CNTNAP5: variants seen among roughly 807,000 people sequenced by gnomAD.
The protein encoded by CNTNAP5 is contactin-associated protein-like 5.
Under a neutral mutation model 150.2 loss-of-function variants are expected in CNTNAP5, and 72 were observed. The observed-to-expected ratio is 0.48, with a 90% CI of 0.40 to 0.58. CNTNAP5 has a LOEUF of 0.58. Among genes scored for constraint, CNTNAP5 ranks in the 20% least tolerant of loss-of-function variants. The pLI is 0.00. For missense variants in CNTNAP5, 1,636 were observed against 1,626.2 expected, an observed-to-expected ratio of 1.01 and a Z score of -0.10; for synonymous variants, 672 against 619.8, an observed-to-expected ratio of 1.08 and a Z score of -1.25.
intron 16 of CNTNAP5, among the ~76,000 whole-genome samples, chr2:124,769,098 T>C (rs1681133391): frequency 6.6e-6 from 1 of 151,952 alleles, no homozygotes; most frequent in South Asian, 2.1e-4. Flanking sequence ...GACACAGAAA[T>C]GGAGTGTGGT....
chr2:124,234,699 T>C (rs573275594), intron 2 of CNTNAP5, among the ~76,000 whole-genome samples: 64 of 152,242 alleles, frequency 4.2e-4, no homozygotes, highest in African/African-American at 1.5e-3. Flanking sequence ...ACTTCTTTTA[T>C]AACTTCTGAA....
At chr2:124,138,682 C>T (rs764291361) in intron 1 of CNTNAP5, among the ~76,000 whole-genome samples, 3 of 151,960 alleles carry the variant, frequency 2.0e-5, no homozygotes, top group African/African-American at 7.3e-5. Context: ...AATTGGTCCC[C>T]GAGTTTGAGA....
chr2:124,133,216 A>T (rs1348529370), intron 1 of CNTNAP5, among the ~76,000 whole-genome samples: 2 of 152,146 alleles, frequency 1.3e-5, no homozygotes, highest in Non-Finnish European at 2.9e-5. Flanking sequence ...TGAAATTCAC[A>T]CTCAGATATT....
intron 3 of CNTNAP5, among the ~76,000 whole-genome samples, chr2:124,270,350 G>T (rs1439198807): frequency 6.6e-6 from 1 of 152,028 alleles, no homozygotes; most frequent in African/African-American, 2.4e-5. Context: ...TAAATAATCA[G>T]ATGTCAAATC....
At chr2:124,761,915 G>A (rs967457016) in intron 14 of CNTNAP5, among the ~76,000 whole-genome samples, 2 of 152,124 alleles carry the variant, frequency 1.3e-5, no homozygotes, top group South Asian at 2.1e-4. Flanking sequence ...ATGCCAGAAT[G>A]TGTATGAAAG....
chr2:124,599,053 T>C (rs1696912631), intron 11 of CNTNAP5, among the ~76,000 whole-genome samples: 1 of 152,062 alleles, frequency 6.6e-6, no homozygotes, highest in African/African-American at 2.4e-5. Context: ...TGGCACTCCC[T>C]AGTGAGATGA....
intron 1 of CNTNAP5, among the ~76,000 whole-genome samples, chr2:124,153,747 T>A (rs1684458909): frequency 6.6e-6 from 1 of 151,528 alleles, no homozygotes; most frequent in Non-Finnish European, 1.5e-5. Context: ...GTAGCTGAGA[T>A]TACAGGCGTA....
chr2:124,261,232 C>T (rs972557947), intron 3 of CNTNAP5, among the ~76,000 whole-genome samples: 3 of 152,136 alleles, frequency 2.0e-5, no homozygotes, highest in African/African-American at 7.2e-5. Context: ...TGTTGGGACT[C>T]ATTTAAATAT....
At chr2:124,748,091 G>A (rs1680648226) in intron 14 of CNTNAP5, among the ~76,000 whole-genome samples, 1 of 151,866 alleles carries the variant, frequency 6.6e-6, no homozygotes, top group Non-Finnish European at 1.5e-5. Context: ...TATATAGGCT[G>A]TTTCTTCATG....
chr2:124,164,344 C>G (rs773298175), intron 1 of CNTNAP5, among the ~76,000 whole-genome samples: 14 of 152,160 alleles, frequency 9.2e-5, no homozygotes, highest in Non-Finnish European at 1.6e-4. Context: ...AGACACAACC[C>G]CCAAAACTCC....
chr2:124,311,154 T>C (rs1386806895), intron 3 of CNTNAP5, among the ~76,000 whole-genome samples: 5 of 152,236 alleles, frequency 3.3e-5, no homozygotes, highest in Admixed American at 2.6e-4. Context: ...TGTATCTTTT[T>C]TCTAGACTAT....
chr2:124,605,709 G>A (rs573908887), intron 11 of CNTNAP5, among the ~76,000 whole-genome samples: 4 of 150,560 alleles, frequency 2.7e-5, no homozygotes, highest in African/African-American at 7.3e-5. Flanking sequence ...CCAGCTACTC[G>A]GGAGGCTGAG....
At position 124,025,465 on chromosome 2, in the gene CNTNAP5, C is replaced by G. The variant is rs1278444880; in HGVS notation, c.-186C>G. On this transcript the variant is annotated 5_prime_UTR_variant, in exon 1 of 24. Coordinates refer to ENST00000682447, the MANE Select transcript of CNTNAP5 (RefSeq NM_001367498.1). The stretch of plus-strand genomic sequence containing the variant: ...GGGACCGTAGCCCCAGCTGCAGCTC[C>G]GAAGAATCCCCCGCCACGGTTTCGG... The G allele has an allele frequency of 1.6e-6, 1 of 609,802 alleles. No individual in the cohort carries two copies. The highest frequency in any genetic ancestry group is 1.8e-5 in the African/African-American group (1 of 54,124). The allele number at this position is 609,802 out of a possible 1,614,324, so 37.8% of individuals were successfully genotyped here.
intron 1 of CNTNAP5, among the ~76,000 whole-genome samples, chr2:124,033,841 C>T (rs1196120195): frequency 1.3e-5 from 2 of 151,940 alleles, no homozygotes; most frequent in East Asian, 1.9e-4. Flanking sequence ...TATAGATAAG[C>T]TTTAAGACAC....
At chr2:124,763,621 C>G in intron 14 of CNTNAP5, 51 bp from the exon 15 acceptor site, 4 of 1,564,904 alleles carry the variant, frequency 2.6e-6, no homozygotes, top group Non-Finnish European at 3.5e-6. Context: ...AAAAGAGTCC[C>G]TAGATTATCC....
At chr2:124,123,102 C>T (rs1459416870) in intron 1 of CNTNAP5, among the ~76,000 whole-genome samples, 3 of 151,988 alleles carry the variant, frequency 2.0e-5, no homozygotes, top group African/African-American at 2.4e-5. Flanking sequence ...TAGGGTGAGG[C>T]ATCACCTCAC....
chr2:124,826,571 G>A (rs907675861), intron 19 of CNTNAP5, among the ~76,000 whole-genome samples: 5 of 152,164 alleles, frequency 3.3e-5, no homozygotes, highest in African/African-American at 1.2e-4. Context: ...GGTTTGCAAA[G>A]TGTGGTCTCT....
At chr2:124,571,086 A>C (rs1696142464) in intron 11 of CNTNAP5, among the ~76,000 whole-genome samples, 1 of 152,206 alleles carries the variant, frequency 6.6e-6, no homozygotes, top group Non-Finnish European at 1.5e-5. Flanking sequence ...TTCCTGACAA[A>C]TACAAATTTC....
At chr2:124,615,832 C>T (rs922433428) in intron 12 of CNTNAP5, among the ~76,000 whole-genome samples, 14 of 152,196 alleles carry the variant, frequency 9.2e-5, no homozygotes, top group African/African-American at 3.1e-4. Flanking sequence ...CCATGAGCTG[C>T]AGAGTAAATG....
Sources: allele counts gnomAD v4.1 joint callset (sites outside exome capture counted in the v4.1 genomes callset), GRCh38; gene constraint gnomAD v4.1.1; transcripts MANE v1.5; gene names NCBI Gene and HGNC (gene_info 2026-07-23, HGNC 2026-07-21).